Variants in EP400 observed in about 807,000 individuals in gnomAD.
EP400 encodes E1A-binding protein p400.
In EP400, 105 loss-of-function variants were observed where a neutral mutation model predicts 354.1. That is an observed-to-expected ratio of 0.30 (90% CI 0.25 to 0.35). The LOEUF (loss-of-function observed/expected upper bound fraction) is 0.35, where lower values mean the gene tolerates loss of function less well. Ranked by LOEUF, EP400 falls within the 10% of genes least tolerant of loss-of-function variation. The pLI, the probability that EP400 is intolerant of heterozygous loss-of-function variation, is 1.00. For synonymous variants in EP400, 1,646 were observed against 1,716.9 expected (o/e 0.96, Z 1.02); for missense variants, 3,280 against 4,121.0 (o/e 0.80, Z 5.59).
chr12:132,027,582 A>C lies in EP400; in HGVS notation c.5109+51A>C. ...GTGCACGTGGACAGGTAGCTTTCCA[A>C]GAGCTGCTCGTTGTGTTTGGTTGTG... On this transcript the variant is annotated intron_variant, in intron 26 of 52. Coordinates refer to ENST00000389561, the MANE Select transcript of EP400 (RefSeq NM_015409.5). The surrounding 1 kb of genome is among the most constrained non-coding windows in gnomAD (Gnocchi z 4.9). 1 of 1,458,600 alleles carries C rather than the reference A, an allele frequency of 6.9e-7. No individual in the cohort carries two copies. The highest frequency in any genetic ancestry group is 9.3e-7 in the Non-Finnish European group (1 of 1,069,904). 90.4% of individuals were successfully genotyped at this position (1,458,600 alleles called of 1,614,324 possible). A position where few individuals can be genotyped will look rare whatever the true frequency, so the allele number is the denominator to read the frequency against.
chr12:132,076,685 G>T (rs1221036591), intron 52 of EP400, 92 bp downstream of exon 52: 4 of 1,147,610 alleles, frequency 3.5e-6, no homozygotes, highest in Non-Finnish European at 5.0e-6. Flanking sequence ...AATCACTTTT[G>T]ATTTTTGTGA....
intron 32 of EP400, among the ~76,000 whole-genome samples, chr12:132,040,093 A>C (rs1285753352): frequency 2.0e-5 from 3 of 152,230 alleles, no homozygotes; most frequent in African/African-American, 7.2e-5. Context: ...GAAAACATGT[A>C]AGTGGCCGAT....
chr12:132,067,033 G>C lies in EP400; in HGVS notation c.8749+64G>C. The stretch of plus-strand genomic sequence containing the variant: ...CCTGGTTTCACAGGCCTCTCTGGTG[G>C]CAGTGGTCGCCAGCGACCCGTGTTC... On this transcript the variant is annotated intron_variant, in intron 49 of 52. Transcript: ENST00000389561. The surrounding 1 kb of genome is among the most constrained non-coding windows in gnomAD (Gnocchi z 5.3). 1 of 1,465,322 alleles carries C rather than the reference G, an allele frequency of 6.8e-7. No individual in the cohort carries two copies. Among genetic ancestry groups the C allele is most frequent in the Non-Finnish European group, 9.0e-7 (1 of 1,109,484 alleles). 90.8% of individuals were successfully genotyped at this position (1,465,322 alleles called of 1,614,324 possible). A position where few individuals can be genotyped will look rare whatever the true frequency, so the allele number is the denominator to read the frequency against.
intron 50 of EP400, 34 bp from the exon 51 acceptor site, chr12:132,069,461 T>A (rs1157539053): frequency 6.2e-7 from 1 of 1,606,316 alleles, no homozygotes; most frequent in Non-Finnish European, 8.5e-7. Context: ...CGCGGCATGG[T>A]CTCTGCGGCC....
rs1566161749 is a variant in EP400, at chr12:131,961,894, T to A, written c.1275T>A (p.Ile425=). The A allele has an allele frequency of 3.1e-6, 5 of 1,613,922 alleles. No individual in the cohort carries two copies. The highest frequency in any genetic ancestry group is 2.5e-6 in the Non-Finnish European group (3 of 1,180,010). Reference sequence around the variant, plus strand: ...ATCTTAGGCAGAATGATTTGGACATTGAAGAAGAGGAGGAGGAGGAGGAAG... The same window carrying A: ...ATCTTAGGCAGAATGATTTGGACATAGAAGAAGAGGAGGAGGAGGAGGAAG... ...QAYLRQNDLD[I]EEEEEEEEEE... Residue 425 remains isoleucine (I), a synonymous_variant, in exon 2 of 53, where the codon ATT becomes ATA. Coordinates refer to ENST00000389561, the MANE Select transcript of EP400 (RefSeq NM_015409.5).
In EP400 at chr12:132,069,483, G is replaced by A. The variant is rs1896006398; in HGVS notation, c.8875-12G>A. ...TGGTCTCTGCGGCCCTAATTTCGCA[G>A]TCTCTCCCCAGATCACCGCACAGCA... On this transcript the variant is annotated splice_polypyrimidine_tract_variant and intron_variant, in intron 50 of 52. Coordinates refer to ENST00000389561, the MANE Select transcript of EP400 (RefSeq NM_015409.5). The A allele has an allele frequency of 6.2e-7, 1 of 1,613,124 alleles. No homozygotes were observed. The highest frequency in any genetic ancestry group is 1.3e-5 in the African/African-American group (1 of 74,934).
rs11246886 is a variant in EP400 at position 131,976,992 on chromosome 12, A to G, written c.1336-2702A>G. 1.2e-3 allele frequency among the ~76,000 whole-genome samples: 181 copies of G among 152,304 alleles called. 1 individual carries two copies. The highest frequency in any genetic ancestry group is 6.8e-3 in the Middle Eastern group (2 of 294). The stretch of plus-strand genomic sequence containing the variant: ...CAGACTGGGGCTGCCCTCATGCCAA[A>G]TGCCATGAAACTGGAAACCTTACCG... On this transcript the variant is annotated intron_variant, in intron 2 of 52. Transcript: ENST00000389561.
chr12:131,988,520 A>G (rs1450009183), intron 7 of EP400, among the ~76,000 whole-genome samples: 2 of 152,130 alleles, frequency 1.3e-5, no homozygotes, highest in Non-Finnish European at 2.9e-5. Context: ...GCCTGGCCAC[A>G]CGGCCTCCTG....
At chr12:131,964,471 A>G (rs1892008814) in intron 2 of EP400, among the ~76,000 whole-genome samples, 1 of 151,354 alleles carries the variant, frequency 6.6e-6, no homozygotes, top group African/African-American at 2.4e-5. Context: ...CGTCTCAAAA[A>G]CAAACAAACA....
intron 16 of EP400, among the ~76,000 whole-genome samples, chr12:132,011,852 C>T (rs1425548713): frequency 6.6e-6 from 1 of 152,140 alleles, no homozygotes; most frequent in Non-Finnish European, 1.5e-5. Flanking sequence ...CTCGCAGGCC[C>T]AGGTGTGCAC....
In EP400 at chr12:131,961,119, C is replaced by T. The variant is rs1479430079; in HGVS notation, c.500C>T (p.Thr167Ile). ...PGLGLCSSSPTGGFVDASVLV... is the reference protein window; with the variant it reads ...PGLGLCSSSPIGGFVDASVLV... Reference sequence around the variant, plus strand: ...CTGGGCCTCTGCAGCAGCAGCCCTACAGGGGGCTTCGTGGATGCCAGCGTG... The same window carrying T: ...CTGGGCCTCTGCAGCAGCAGCCCTATAGGGGGCTTCGTGGATGCCAGCGTG... Residue 167 changes from threonine to isoleucine, a missense_variant, in exon 2 of 53, where the codon ACA (threonine) becomes ATA (isoleucine). Physicochemically the swap from Thr to Ile is moderately conservative, Grantham distance 89 (BLOSUM62 -1). Coordinates refer to ENST00000389561, the MANE Select transcript of EP400 (RefSeq NM_015409.5). 12 of 1,611,894 alleles carry T rather than the reference C, an allele frequency of 7.4e-6. No homozygotes were observed. Among genetic ancestry groups the T allele is most frequent in the African/African-American group, 2.7e-5 (2 of 74,910 alleles).
At chr12:132,030,452 A>G (rs934199002) in intron 29 of EP400, among the ~76,000 whole-genome samples, 2 of 152,252 alleles carry the variant, frequency 1.3e-5, no homozygotes, top group Admixed American at 6.5e-5. Flanking sequence ...TATGAAAACA[A>G]TTCCAACCAA....
At chr12:131,980,693 G>T (rs187747231) in intron 3 of EP400, among the ~76,000 whole-genome samples, 549 of 152,202 alleles carry the variant, frequency 3.6e-3, no homozygotes, top group Non-Finnish European at 5.9e-3. Flanking sequence ...CTACAGGCGC[G>T]TGCCACCACT....
rs778280556 is a variant in EP400 at position 131,961,183 on chromosome 12, A to G, written c.564A>G (p.Gly188=). The change falls in exon 2 of 53, where the codon GGA becomes GGG. Residue 188 remains glycine, a synonymous_variant. Transcript: ENST00000389561. ...TCAGCTTGAGCCCCTCCAGTGGTGG[A>G]CACTTTGTGTTTCAGGATGGGTCAG... ...RQISLSPSSG[G]HFVFQDGSGL... is the part of the protein sequence containing the mutation. 17 of 1,570,962 alleles carry G rather than the reference A, an allele frequency of 1.1e-5. No homozygotes were observed. Among genetic ancestry groups the G allele is most frequent in the Non-Finnish European group, 1.4e-5 (16 of 1,156,088 alleles).
chr12:131,959,452 C>G lies in EP400; in HGVS notation c.-35-1133C>G, dbSNP rs1472170879. 2.0e-5 allele frequency among the ~76,000 whole-genome samples: 3 copies of G among 152,190 alleles called. No homozygotes were observed. In the South Asian group the frequency reaches 6.2e-4, roughly 32 times the overall value. On this transcript the variant is annotated intron_variant, in intron 1 of 52. Transcript: ENST00000389561. ...AGATACTGGAGTCTGTAGCCCAGGT[C>G]TGACCCTGTCTCACCACAGGATTAC...
At chr12:132,011,749 C>T (rs1187504254) in intron 16 of EP400, 115 bp downstream of exon 16, 8 of 1,273,126 alleles carry the variant, frequency 6.3e-6, no homozygotes, top group Non-Finnish European at 8.5e-6. Context: ...AAAGATCACT[C>T]ATTCATGAGT....
rs1896051923 is a variant in EP400 at position 132,071,061 on chromosome 12, C to T, written c.9021+1420C>T. Among the ~76,000 whole-genome samples the T allele has an allele frequency of 2.0e-5, 3 of 152,210 alleles. No homozygotes were observed. The South Asian group carries it at 6.2e-4, about 31-fold the overall frequency. ...TCCTGCCTTACTGTGCTGGCTGGGA[C>T]CTGCAGCACAGTGGTGAATGTCAGA... On this transcript the variant is annotated intron_variant, in intron 51 of 52. Transcript: ENST00000389561.
intron 21 of EP400, among the ~76,000 whole-genome samples, chr12:132,019,123 G>A (rs1894037138): frequency 6.6e-6 from 1 of 152,206 alleles, no homozygotes; most frequent in South Asian, 2.1e-4. Context: ...GCTCCTCAGA[G>A]AGCCTGCAGC....
At chr12:132,042,371 TTGA>T (rs1894942563) in intron 32 of EP400, among the ~76,000 whole-genome samples, 1 of 152,232 alleles carries the variant, frequency 6.6e-6, no homozygotes, top group African/African-American at 2.4e-5. Context: ...ACGCTGTGTA[TTGA>T]TGAGCAGAAG....
Sources: gnomAD v4.1 joint callset for allele counts (sites outside exome capture counted in the v4.1 genomes callset) on GRCh38, gnomAD v4.1.1 for gene constraint, Gnocchi (gnomAD v3.1) non-coding constraint, MANE v1.5 for transcripts, NCBI Gene and HGNC (gene_info 2026-07-23, HGNC 2026-07-21) for gene names.